Variants in ZSCAN5C observed in about 807,000 individuals in gnomAD.
ZSCAN5C encodes zinc finger and SCAN domain containing 5C.
In ZSCAN5C, 11 loss-of-function variants were observed where a neutral mutation model predicts 17.3. That is an observed-to-expected ratio of 0.64 (90% confidence interval 0.40 to 1.06). ZSCAN5C has a LOEUF of 1.06. Among genes scored for constraint, ZSCAN5C ranks in the 50% least tolerant of loss-of-function variants. The pLI, the probability that ZSCAN5C is intolerant of heterozygous loss-of-function variation, is 0.00. For synonymous variants in ZSCAN5C, 229 were observed against 208.4 expected (o/e 1.10, Z -0.85); for missense variants, 698 against 538.9 (o/e 1.30, Z -2.92).
chr19:56,204,303 A>G (rs889545189), intron 1 of ZSCAN5C, among the ~76,000 whole-genome samples: 221 of 149,004 alleles, frequency 1.5e-3, no homozygotes, highest in African/African-American at 5.3e-3. Flanking sequence ...ACTGTCTCCC[A>G]TATCGGCTGC....
At chr19:56,208,482 C>T in exon 5 of ZSCAN5C, 2 of 1,488,314 alleles carry the variant, frequency 1.3e-6, no homozygotes, top group Non-Finnish European at 1.9e-6. Context: ...GGGAAGGAAC[C>T]CCAAAAAAGA....
At chr19:56,203,798 T>G (rs1439816866) in intron 1 of ZSCAN5C, among the ~76,000 whole-genome samples, 1 of 151,406 alleles carries the variant, frequency 6.6e-6, no homozygotes, top group Non-Finnish European at 1.5e-5. Context: ...TACAGGCATG[T>G]GCCACCAAGC....
At chr19:56,205,008 G>A (rs974742235) in intron 1 of ZSCAN5C, among the ~76,000 whole-genome samples, 1 of 146,256 alleles carries the variant, frequency 6.8e-6, no homozygotes, top group East Asian at 2.2e-4. Context: ...TCCATTTTCT[G>A]AGATGAGATT....
At chr19:56,206,986 G>A in intron 2 of ZSCAN5C, 73 bp from the exon 3 acceptor site, 1 of 657,140 alleles carries the variant, frequency 1.5e-6, no homozygotes, top group Non-Finnish European at 2.8e-6. Flanking sequence ...GAGCATTATG[G>A]CAGGACCCAG....
At chr19:56,208,143 C>A in exon 4 of ZSCAN5C, 1 of 779,752 alleles carries the variant, frequency 1.3e-6, no homozygotes, top group Non-Finnish European at 2.4e-6. Context: ...GAGGAGAACC[C>A]AGGACTTACA....
intron 3 of ZSCAN5C, 69 bp from the exon 4 acceptor site, chr19:56,207,965 G>A: frequency 1.5e-6 from 1 of 662,680 alleles, no homozygotes; most frequent in Non-Finnish European, 2.7e-6. Flanking sequence ...CATCCAGTCA[G>A]GAAAAAGCAG....
exon 3 of ZSCAN5C, chr19:56,207,167 C>G (rs746194868): frequency 1.3e-6 from 1 of 778,086 alleles, no homozygotes; most frequent in Admixed American, 1.7e-5. Flanking sequence ...GTCCAGCCAG[C>G]GGACCTCCTC....
exon 2 of ZSCAN5C, chr19:56,205,844 T>C (rs1202471665): frequency 8.6e-6 from 6 of 695,942 alleles, no homozygotes; most frequent in East Asian, 2.5e-5. Context: ...CCTGTGTATA[T>C]AGGTCGCAAT....
exon 2 of ZSCAN5C, chr19:56,205,989 A>C (rs766819474): frequency 6.3e-7 from 1 of 1,588,206 alleles, no homozygotes. Flanking sequence ...ACCACAGTCC[A>C]TGCCATCCCC....
At chr19:56,208,036 A>G (rs12979551) in exon 4 of ZSCAN5C, 3 of 724,830 alleles carry the variant, frequency 4.1e-6, no homozygotes, top group African/African-American at 3.5e-5. Context: ...ATTCTCAGGA[A>G]GAGGACTTCC....
chr19:56,206,045 C>G, exon 2 of ZSCAN5C: 3 of 1,613,294 alleles, frequency 1.9e-6, no homozygotes, highest in Non-Finnish European at 2.5e-6. Flanking sequence ...AGACTTGTCA[C>G]GTGAACTTCA....
chr19:56,208,321 C>T (rs2032947049), intron 4 of ZSCAN5C, 128 bp from the exon 5 acceptor site: 3 of 725,884 alleles, frequency 4.1e-6, no homozygotes, highest in South Asian at 1.8e-5. Context: ...CTCCAGAGAC[C>T]TACAGTCCAA....
chr19:56,205,900 A>T (rs770819481), exon 2 of ZSCAN5C: 2 of 1,031,726 alleles, frequency 1.9e-6, no homozygotes, highest in East Asian at 2.4e-5. Context: ...AGATTGAAAT[A>T]TTCCCCAGTA....
At chr19:56,203,579 A>C (rs2032891950) in intron 1 of ZSCAN5C, among the ~76,000 whole-genome samples, 1 of 149,440 alleles carries the variant, frequency 6.7e-6, no homozygotes, top group Non-Finnish European at 1.5e-5. Flanking sequence ...ATATCTCCCC[A>C]ACCCTCACCA....
rs753877278 is a variant in ZSCAN5C, at chr19:56,205,952, A to G, written c.39A>G (p.Glu13=). ...GCACATCCTCATGGAGTCTAGGAGA[A>G]TCCTGCAACAGCCCTGGGTCAGAGC... The change falls in exon 2 of 5, where the codon GAA becomes GAG. Residue 13 remains glutamate (E), a synonymous_variant. Transcript: ENST00000534327. 7.3e-6 allele frequency: 10 copies of G among 1,378,108 alleles called. No homozygotes were observed. The South Asian group carries it at 1.2e-4, about 16-fold the overall frequency. The allele number at this position is 1,378,108 out of a possible 1,614,324, so 85.4% of individuals were successfully genotyped here. A position where few individuals can be genotyped will look rare whatever the true frequency, so the allele number is the denominator to read the frequency against.
At chr19:56,203,569 A>G (rs1220505906) in intron 1 of ZSCAN5C, among the ~76,000 whole-genome samples, 1 of 149,274 alleles carries the variant, frequency 6.7e-6, no homozygotes, top group African/African-American at 2.5e-5. Flanking sequence ...CCTTAAACCT[A>G]TATCTCCCCA....
chr19:56,207,331 T>C (rs1335276010), intron 3 of ZSCAN5C, 69 bp downstream of exon 3: 1 of 667,218 alleles, frequency 1.5e-6, no homozygotes, highest in African/African-American at 1.8e-5. Flanking sequence ...GTGTGGCCAC[T>C]GGACTGATTG....
At chr19:56,208,951 T>C in exon 5 of ZSCAN5C, 1 of 1,613,590 alleles carries the variant, frequency 6.2e-7, no homozygotes, top group Non-Finnish European at 8.5e-7. Context: ...CCTACACGTG[T>C]GACATCTGCC....
chr19:56,204,239 G>A (rs900832940), intron 1 of ZSCAN5C, among the ~76,000 whole-genome samples: 2 of 150,468 alleles, frequency 1.3e-5, no homozygotes, highest in African/African-American at 5.0e-5. Context: ...GCCCCAGAGC[G>A]GGATTGCCGG....
Sources: gnomAD v4.1 joint callset for allele counts (sites outside exome capture counted in the v4.1 genomes callset) on GRCh38, gnomAD v4.1.1 for gene constraint, MANE v1.5 for transcripts, NCBI Gene and HGNC (gene_info 2026-07-23, HGNC 2026-07-21) for gene names.